The following SRRM4 variants were observed in gnomAD, a reference collection of about 807,000 sequenced individuals.
The protein encoded by SRRM4 is serine/arginine repetitive matrix 4.
A neutral mutation model predicts 68.9 loss-of-function variants in SRRM4; 33 were observed. That is an observed-to-expected ratio of 0.48 (90% CI 0.36 to 0.64). The LOEUF is 0.64. Among genes scored for constraint, SRRM4 ranks in the 30% least tolerant of loss-of-function variants. The probability of loss-of-function intolerance (pLI) is 0.00; values close to 1 mark genes in which losing one functional copy is unlikely to be tolerated. For missense variants in SRRM4, 817 were observed against 827.1 expected (o/e 0.99, Z 0.15); for synonymous variants, 318 against 318.8 (o/e 1.00, Z 0.03).
At chr12:119,005,796 T>G (rs1220154762) in intron 1 of SRRM4, among the ~76,000 whole-genome samples, 3 of 152,236 alleles carry the variant, frequency 2.0e-5, no homozygotes, top group African/African-American at 7.2e-5. Context: ...ATGTCATCAT[T>G]TCAAGGTCTC....
At chr12:119,131,481 A>G (rs887063722) in intron 8 of SRRM4, among the ~76,000 whole-genome samples, 7 of 152,230 alleles carry the variant, frequency 4.6e-5, no homozygotes, top group Non-Finnish European at 1.0e-4. Flanking sequence ...AAAGCCCCAG[A>G]GCAAGGCAAG....
chr12:119,129,933 T>C (rs1457581269), intron 7 of SRRM4, among the ~76,000 whole-genome samples: 1 of 117,444 alleles, frequency 8.5e-6, no homozygotes, highest in African/African-American at 3.2e-5. Flanking sequence ...AGATGGTTAG[T>C]TGGATGGATG....
chr12:119,016,790 C>A (rs978663086), intron 1 of SRRM4, among the ~76,000 whole-genome samples: 1 of 152,188 alleles, frequency 6.6e-6, no homozygotes, highest in African/African-American at 2.4e-5. Context: ...TTTACAATAT[C>A]ATGCTATGGA....
Position 118,982,669 on chromosome 12 carries a change from G to T in SRRM4, c.131+656G>T, listed in dbSNP as rs79040691. Among the ~76,000 whole-genome samples the T allele has an allele frequency of 3.6e-3, 416 of 115,608 alleles. 9 individuals are homozygous for T. In the East Asian group the frequency reaches 0.075, roughly 21 times the overall value. The allele number at this position is 115,608 out of a possible 152,430, so 75.8% of individuals were successfully genotyped here. A position where few individuals can be genotyped will look rare whatever the true frequency, so the allele number is the denominator to read the frequency against. On this transcript the variant is annotated intron_variant, in intron 1 of 12. Transcript: ENST00000267260. The stretch of plus-strand genomic sequence containing the variant: ...GATGATCTTGGAAGAGTTTTATTTT[G>T]TTTTTTTTTGTTTTTTTTTTTTTTT...
intron 1 of SRRM4, among the ~76,000 whole-genome samples, chr12:119,027,907 A>G (rs189925199): frequency 5.9e-5 from 9 of 152,342 alleles, no homozygotes; most frequent in Middle Eastern, 3.4e-3. Flanking sequence ...CCCCATATAG[A>G]GATTAATTAA....
Position 118,997,799 on chromosome 12 carries a change from GC to G in SRRM4, c.131+15787del, listed in dbSNP as rs1953358746. Among the ~76,000 whole-genome samples the G allele has an allele frequency of 3.9e-5, 6 of 152,258 alleles. No individual in the cohort carries two copies. The South Asian group carries it at 1.2e-3, about 32-fold the overall frequency. On this transcript the variant is annotated intron_variant, in intron 1 of 12. Coordinates refer to ENST00000267260, the MANE Select transcript of SRRM4 (RefSeq NM_194286.4). ...GCAACATCTCCTTTAAGCTGCTTAA[GC>G]TTTTGAGGTGGATACTGTCATTATC...
chr12:118,988,333 A>G (rs1445515722), intron 1 of SRRM4, among the ~76,000 whole-genome samples: 2 of 152,252 alleles, frequency 1.3e-5, no homozygotes, highest in Non-Finnish European at 2.9e-5. Context: ...TTAATAGGAG[A>G]GAAAGCAGGC....
At chr12:118,985,619 G>C (rs549967450) in intron 1 of SRRM4, among the ~76,000 whole-genome samples, 3 of 152,148 alleles carry the variant, frequency 2.0e-5, no homozygotes, top group Non-Finnish European at 4.4e-5. Context: ...AGCATGAATC[G>C]ATAAGATATA....
Position 119,125,421 on chromosome 12 carries a change from C to A in SRRM4, c.556C>A (p.His186Asn), listed in dbSNP as rs1410368952. 2.5e-6 allele frequency: 4 copies of A among 1,613,732 alleles called. No homozygotes were observed. In the South Asian group the frequency reaches 4.4e-5, roughly 18 times the overall value. ...CCGAAAGTCTCACCGCCACCGCCAT[C>A]ACCGCTGCCCCTCGCGGTCCCAGAG... is the stretch of plus-strand genomic sequence containing the variant. ...RPRKSHRHRHHRCPSRSQSSE... is the reference protein window; with the variant it reads ...RPRKSHRHRHNRCPSRSQSSE... The change falls in exon 7 of 13, where the codon CAC (histidine) becomes AAC (asparagine). Residue 186 changes from histidine (H) to asparagine (N), a missense_variant. By Grantham distance (68) the His-to-Asn change is moderately conservative (BLOSUM62 1). Transcript: ENST00000267260.
At position 119,125,408 on chromosome 12, in the gene SRRM4, C is replaced by T. The variant is rs1954251462; in HGVS notation, c.543C>T (p.His181=). ...KQSRSRPRKS[H]RHRHHRCPSR... is the part of the protein sequence containing the mutation. ...CTCGAAGCCGGCCCCGAAAGTCTCA[C>T]CGCCACCGCCATCACCGCTGCCCCT... Residue 181 remains histidine (H), a synonymous_variant, in exon 7 of 13, where the codon CAC becomes CAT. Transcript: ENST00000267260. The T allele has an allele frequency of 6.2e-7, 1 of 1,613,644 alleles. No individual in the cohort carries two copies. Among genetic ancestry groups the T allele is most frequent in the Non-Finnish European group, 8.5e-7 (1 of 1,179,752 alleles).
chr12:119,097,910 C>T (rs1161535798), intron 1 of SRRM4, among the ~76,000 whole-genome samples: 1 of 152,232 alleles, frequency 6.6e-6, no homozygotes, highest in African/African-American at 2.4e-5. Context: ...ATGCTAAATT[C>T]CTCACAGTTC....
chr12:119,062,369 G>A (rs192186597), intron 1 of SRRM4, among the ~76,000 whole-genome samples: 41 of 152,218 alleles, frequency 2.7e-4, no homozygotes, highest in African/African-American at 4.8e-4. Context: ...CTTAAGCTAC[G>A]CTCAATTTAT....
In SRRM4 at chr12:119,102,290, G is replaced by T; in HGVS notation, c.186G>T (p.Lys62Asn). 6.2e-7 allele frequency: 1 copy of T among 1,613,768 alleles called. No homozygotes were observed. Among genetic ancestry groups the T allele is most frequent in the Non-Finnish European group, 8.5e-7 (1 of 1,179,820 alleles). ...VVPAQDGPSE[K>N]LGQHLATEPL... Reference sequence around the variant, plus strand: ...CAGCTCAGGATGGACCCTCAGAAAAGCTGGGTCAGCATCTGGCCACCGAGC... The same window carrying T: ...CAGCTCAGGATGGACCCTCAGAAAATCTGGGTCAGCATCTGGCCACCGAGC... The change falls in exon 2 of 13, where the codon AAG (lysine) becomes AAT (asparagine). Residue 62 changes from lysine to asparagine, a missense_variant. By Grantham distance (94) the Lys-to-Asn change is moderately conservative. Coordinates refer to ENST00000267260, the MANE Select transcript of SRRM4 (RefSeq NM_194286.4).
rs1954504549 is a variant in SRRM4 at position 119,160,299 on chromosome 12, CTCT to C, written c.*3502_*3504del. 1 of 62,354 alleles carries C rather than the reference CTCT, an allele frequency of 1.6e-5. No individual in the cohort carries two copies. Among genetic ancestry groups the C allele is most frequent in the Non-Finnish European group, 3.9e-5 (1 of 25,794 alleles). 3.9% of individuals were successfully genotyped at this position (62,354 alleles called of 1,614,324 possible). A position where few individuals can be genotyped will look rare whatever the true frequency, so the allele number is the denominator to read the frequency against. ...TCTGTCTCTCTCTCTGTCTCTCTCTCTCTCTCTCTCTCTCTCTCTCTCTCAGTG... is the reference window on the plus strand; with the variant it reads ...TCTGTCTCTCTCTCTGTCTCTCTCTCCTCTCTCTCTCTCTCTCTCTCAGTG... On this transcript the variant is annotated 3_prime_UTR_variant, in exon 13 of 13. Transcript: ENST00000267260.
At chr12:119,112,730 C>A (rs1954152484) in intron 2 of SRRM4, among the ~76,000 whole-genome samples, 1 of 152,148 alleles carries the variant, frequency 6.6e-6, no homozygotes, top group South Asian at 2.1e-4. Context: ...CATGATCTCA[C>A]TTATAAGTGG....
intron 1 of SRRM4, among the ~76,000 whole-genome samples, chr12:119,044,809 C>T (rs563025727): frequency 6.6e-6 from 1 of 152,076 alleles, no homozygotes. Flanking sequence ...CCTGAGACCC[C>T]CAACAGAGTT....
intron 1 of SRRM4, among the ~76,000 whole-genome samples, chr12:119,079,815 T>A (rs1322511333): frequency 1.3e-5 from 2 of 151,996 alleles, no homozygotes. Flanking sequence ...ACTAGTCAAG[T>A]GGGGTAATGT....
In SRRM4 at chr12:119,089,627, T is replaced by C. The variant is rs1446081944; in HGVS notation, c.132-12609T>C. 8.5e-5 allele frequency among the ~76,000 whole-genome samples: 13 copies of C among 152,146 alleles called. No individual in the cohort carries two copies. The East Asian group carries it at 2.5e-3, about 29-fold the overall frequency. On this transcript the variant is annotated intron_variant, in intron 1 of 12. Coordinates refer to ENST00000267260, the MANE Select transcript of SRRM4 (RefSeq NM_194286.4). ...AGGAGGTTGAATGGAAAGGGTGGAT[T>C]TGAGAGCTTGCTGATGATTGGTGCT...
At chr12:118,984,040 A>T (rs760839282) in intron 1 of SRRM4, among the ~76,000 whole-genome samples, 5 of 152,146 alleles carry the variant, frequency 3.3e-5, no homozygotes, top group Non-Finnish European at 7.4e-5. Flanking sequence ...CCTGTGTAAT[A>T]CTTCTGTAAT....
Sources: gnomAD v4.1 joint callset for allele counts (sites outside exome capture counted in the v4.1 genomes callset) on GRCh38, gnomAD v4.1.1 for gene constraint, MANE v1.5 for transcripts, NCBI Gene and HGNC (gene_info 2026-07-23, HGNC 2026-07-21) for gene names.